The following AVEN variants were observed in gnomAD, a reference collection of about 807,000 sequenced individuals.
The protein encoded by AVEN is apoptosis and caspase activation inhibitor, also known as cell death regulator Aven.
A neutral mutation model predicts 38.1 loss-of-function variants in AVEN; 41 were observed. The observed-to-expected ratio is 1.08, with a 90% CI of 0.84 to 1.40. AVEN has a LOEUF of 1.40. AVEN is among the 40% of genes most tolerant of loss of function. The pLI is 0.00. For synonymous variants in AVEN, 206 were observed against 171.8 expected (o/e 1.20, Z -1.56); for missense variants, 605 against 438.8 (o/e 1.38, Z -3.38).
chr15:33,907,404 T>C (rs866780334), intron 2 of AVEN, among the ~76,000 whole-genome samples: 2 of 152,204 alleles, frequency 1.3e-5, no homozygotes, highest in Non-Finnish European at 2.9e-5. Context: ...CATCAGTCAT[T>C]TTGCTTCCAC....
At chr15:34,052,238 GAA>G (rs369505121) in intron 5 of AVEN, among the ~76,000 whole-genome samples, 1 of 151,140 alleles carries the variant, frequency 6.6e-6, no homozygotes, top group Non-Finnish European at 1.5e-5. Context: ...CAGAACTAAA[GAA>G]AAAAAACCAC....
chr15:33,927,246 C>T (rs1039579510), intron 2 of AVEN, among the ~76,000 whole-genome samples: 2 of 150,902 alleles, frequency 1.3e-5, no homozygotes, highest in Admixed American at 6.6e-5. Context: ...CAGAGCGAGA[C>T]TCCATCTCAA....
intron 1 of AVEN, among the ~76,000 whole-genome samples, chr15:34,035,594 GGTGCCTCA>G (rs1466660780): frequency 3.3e-5 from 5 of 151,966 alleles, no homozygotes; most frequent in Admixed American, 3.3e-4. Context: ...GTTATTTAAC[GGTGCCTCA>G]GCTGTCTCAT....
intron 2 of AVEN, among the ~76,000 whole-genome samples, chr15:33,918,965 G>C (rs1893281114): frequency 7.1e-6 from 1 of 140,360 alleles, no homozygotes; most frequent in Non-Finnish European, 1.5e-5. Flanking sequence ...CTGTCCCCCA[G>C]GCTGGAGTGC....
In AVEN at chr15:33,871,049, GAAAAT is replaced by G. The variant is rs780476446; in HGVS notation, c.517-24_517-20del. 32 of 1,340,596 alleles carry G rather than the reference GAAAAT, an allele frequency of 2.4e-5. No homozygotes were observed. The African/African-American group carries it at 4.4e-4, about 19-fold the overall frequency. 83.0% of individuals were successfully genotyped at this position (1,340,596 alleles called of 1,614,324 possible). On this transcript the variant is annotated intron_variant, in intron 3 of 5. Transcript: ENST00000306730. Reference sequence around the variant, plus strand: ...CTGAATTCTATATATATATATAAAAGAAAATAAAATATCAGGTGATGATTATGACC... The same window carrying G: ...CTGAATTCTATATATATATATAAAAGAAAATATCAGGTGATGATTATGACC...
At chr15:33,912,449 A>G (rs1388326598) in intron 2 of AVEN, among the ~76,000 whole-genome samples, 3 of 152,234 alleles carry the variant, frequency 2.0e-5, no homozygotes, top group African/African-American at 7.2e-5. Context: ...AGAAAATCTA[A>G]TTAATTATCT....
chr15:34,032,255 C>G lies in AVEN; in HGVS notation c.267+6525G>C, dbSNP rs530036262. Among the ~76,000 whole-genome samples, 165 of 152,228 alleles carry G rather than the reference C, an allele frequency of 1.1e-3. 1 individual carries two copies. Among genetic ancestry groups the G allele is most frequent in the Middle Eastern group, 6.8e-3 (2 of 294 alleles). ...CTAGAAAAAGGCTAGTTAAGTCATGCTATGGTGTGGTTAGGATCAAATGAC... is the reference window on the plus strand; with the variant it reads ...CTAGAAAAAGGCTAGTTAAGTCATGGTATGGTGTGGTTAGGATCAAATGAC... On this transcript the variant is annotated intron_variant, in intron 1 of 5. Transcript: ENST00000306730.
At chr15:33,899,751 C>T (rs1597209943) in intron 2 of AVEN, among the ~76,000 whole-genome samples, 2 of 152,058 alleles carry the variant, frequency 1.3e-5, no homozygotes, top group East Asian at 3.9e-4. Flanking sequence ...CAGGCATGAG[C>T]CACCGCACCC....
intron 2 of AVEN, among the ~76,000 whole-genome samples, chr15:33,944,219 T>C (rs77716619): frequency 3.6e-4 from 55 of 152,284 alleles, no homozygotes; most frequent in African/African-American, 1.3e-3. Flanking sequence ...CCCTGCTCAA[T>C]TCAACAAACA....
chr15:33,952,109 TTC>T (rs1894774215), intron 2 of AVEN, among the ~76,000 whole-genome samples: 1 of 152,280 alleles, frequency 6.6e-6, no homozygotes, highest in African/African-American at 2.4e-5. Flanking sequence ...TAGAACAAAA[TTC>T]TGTCTGGTCT....
At chr15:33,901,303 A>G (rs1227959036) in intron 2 of AVEN, among the ~76,000 whole-genome samples, 2 of 152,178 alleles carry the variant, frequency 1.3e-5, no homozygotes. Flanking sequence ...TTACCTTTCA[A>G]AAGGTATCAT....
At chr15:33,958,295 T>C (rs1895031977) in intron 2 of AVEN, among the ~76,000 whole-genome samples, 1 of 152,154 alleles carries the variant, frequency 6.6e-6, no homozygotes, top group African/African-American at 2.4e-5. Flanking sequence ...GAAAACTTCT[T>C]CTCGCCATGC....
chr15:33,861,119 C>T, intron 11 of AVEN: 1 of 1,597,608 alleles, frequency 6.3e-7, no homozygotes, highest in Non-Finnish European at 8.5e-7. Context: ...ACTACTTTGA[C>T]ACAACCCCTC....
intron 2 of AVEN, among the ~76,000 whole-genome samples, chr15:33,922,962 T>A (rs1037180991): frequency 6.6e-6 from 1 of 152,228 alleles, no homozygotes; most frequent in East Asian, 1.9e-4. Context: ...GTTTTATAGC[T>A]ATTCTAATCA....
intron 1 of AVEN, among the ~76,000 whole-genome samples, chr15:34,008,537 G>A (rs902055691): frequency 7.0e-6 from 1 of 143,590 alleles, no homozygotes; most frequent in Admixed American, 6.8e-5. Flanking sequence ...CACCCAGGCT[G>A]GAGTGCAGTG....
intron 2 of AVEN, among the ~76,000 whole-genome samples, chr15:33,969,555 A>T (rs1895537893): frequency 6.6e-6 from 1 of 152,056 alleles, no homozygotes; most frequent in Non-Finnish European, 1.5e-5. Flanking sequence ...TAAGCATTTT[A>T]AATATTTTTA....
chr15:33,870,979 G>C lies in AVEN; in HGVS notation c.568C>G (p.Leu190Val). 2 of 1,611,136 alleles carry C rather than the reference G, an allele frequency of 1.2e-6. No homozygotes were observed. Among genetic ancestry groups the C allele is most frequent in the Non-Finnish European group, 1.7e-6 (2 of 1,178,226 alleles). ...ACGTTGAGTCGGAGGCAGAGAGGCAGCTCTTGAAGGGCTCGAACCAATAAC... is the reference window on the plus strand; with the variant it reads ...ACGTTGAGTCGGAGGCAGAGAGGCACCTCTTGAAGGGCTCGAACCAATAAC... ...SELLVRALQE[L>V]PLCLRLNVAA... The change falls in exon 4 of 6, where the codon CTG becomes GTG. Residue 190 changes from leucine (L) to valine (V), a missense_variant. By Grantham distance (32) the Leu-to-Val change is conservative (BLOSUM62 1). Transcript: ENST00000306730.
intron 1 of AVEN, among the ~76,000 whole-genome samples, chr15:34,010,307 C>T (rs1897581969): frequency 6.6e-6 from 1 of 152,114 alleles, no homozygotes; most frequent in South Asian, 2.1e-4. Flanking sequence ...ATTAAATATC[C>T]TACCTTTTCT....
chr15:33,860,963 CA>C (rs919683179), intron 11 of AVEN: 27 of 838,944 alleles, frequency 3.2e-5, no homozygotes. Flanking sequence ...GACTAATAGC[CA>C]AAAGCATTAG....
Sources: allele counts gnomAD v4.1 joint callset (sites outside exome capture counted in the v4.1 genomes callset), GRCh38; gene constraint gnomAD v4.1.1; transcripts MANE v1.5; gene names NCBI Gene and HGNC (gene_info 2026-07-23, HGNC 2026-07-21).